The following HPSE2 variants were observed in gnomAD, a reference collection of about 807,000 sequenced individuals.
The protein encoded by HPSE2 is inactive heparanase-2.
In HPSE2, 38 loss-of-function variants were observed where a neutral mutation model predicts 60.5. The observed-to-expected ratio is 0.63, with a 90% CI of 0.48 to 0.82. HPSE2 has a LOEUF of 0.82. HPSE2 is among the 40% of genes least tolerant of loss of function. The probability of loss-of-function intolerance (pLI) is 0.00; values close to 1 mark genes in which losing one functional copy is unlikely to be tolerated. For missense variants in HPSE2, 713 were observed against 740.4 expected (o/e 0.96, Z 0.43); for synonymous variants, 295 against 293.2 (o/e 1.01, Z -0.06).
intron 3 of HPSE2, among the ~76,000 whole-genome samples, chr10:99,040,251 T>C (rs1176046276): frequency 1.3e-5 from 2 of 152,216 alleles, no homozygotes; most frequent in Non-Finnish European, 2.9e-5. Context: ...ATTGAATGGA[T>C]ATACCAAAAT....
At chr10:98,481,303 A>G (rs1283042354) in intron 11 of HPSE2, among the ~76,000 whole-genome samples, 2 of 152,122 alleles carry the variant, frequency 1.3e-5, no homozygotes, top group South Asian at 2.1e-4. Flanking sequence ...CACATGTACA[A>G]CAACCCTTGA....
At chr10:98,737,063 T>C (rs1044380105) in intron 4 of HPSE2, among the ~76,000 whole-genome samples, 3 of 152,150 alleles carry the variant, frequency 2.0e-5, no homozygotes, top group Non-Finnish European at 4.4e-5. Context: ...GTTTCTTGTT[T>C]TTTTCTTCCT....
chr10:98,678,162 T>C (rs1330471678), intron 6 of HPSE2, among the ~76,000 whole-genome samples: 1 of 152,170 alleles, frequency 6.6e-6, no homozygotes, highest in Non-Finnish European at 1.5e-5. Context: ...GAGAAAAATG[T>C]ATTGAAAATT....
Position 99,014,189 on chromosome 10 carries a change from TCTGCAACGA to T in HPSE2, c.610+130040_610+130048del, listed in dbSNP as rs1589518181. On this transcript the variant is annotated intron_variant, in intron 3 of 11. Transcript: ENST00000370552. ...GCTCGTGGACATTGCCACCAAGTTG[TCTGCAACGA>T]GCCTCGCAAGCCACCGTCCTCCCCA... Among the ~76,000 whole-genome samples the T allele has an allele frequency of 6.6e-5, 10 of 152,340 alleles. No homozygotes were observed. The East Asian group carries it at 1.9e-3, about 29-fold the overall frequency.
At chr10:99,087,184 C>T (rs1009361412) in intron 3 of HPSE2, among the ~76,000 whole-genome samples, 2 of 152,206 alleles carry the variant, frequency 1.3e-5, no homozygotes, top group Non-Finnish European at 2.9e-5. Flanking sequence ...CTTTCAAAAG[C>T]ATATTTGCAG....
chr10:98,677,440 T>C (rs1040609537), intron 6 of HPSE2, among the ~76,000 whole-genome samples: 3 of 152,116 alleles, frequency 2.0e-5, no homozygotes, highest in Non-Finnish European at 2.9e-5. Context: ...CTTTCATAAA[T>C]AGAGACAAAT....
In HPSE2 at chr10:99,069,472, A is replaced by G. The variant is rs78580674; in HGVS notation, c.610+74766T>C. On this transcript the variant is annotated intron_variant, in intron 3 of 11. Coordinates refer to ENST00000370552, the MANE Select transcript of HPSE2 (RefSeq NM_021828.5). ...TGCTTATTTGTTTAGGTCATATCTCATATTTCAGGTTATTACATCTATGGA... is the reference window on the plus strand; with the variant it reads ...TGCTTATTTGTTTAGGTCATATCTCGTATTTCAGGTTATTACATCTATGGA... Among the ~76,000 whole-genome samples, 468 of 152,092 alleles carry G rather than the reference A, an allele frequency of 3.1e-3. 3 individuals are homozygous for G. The highest frequency in any genetic ancestry group is 0.011 in the African/African-American group (446 of 41,490).
the HPSE2 span, among the ~76,000 whole-genome samples, chr10:99,309,874 T>TA: frequency 6.6e-6 from 1 of 152,230 alleles, no homozygotes; most frequent in Non-Finnish European, 1.5e-5. Context: ...ATTTTGTGTA[T>TA]TAGTTTCCTG....
At chr10:99,211,795 C>T (rs1383844981) in intron 2 of HPSE2, among the ~76,000 whole-genome samples, 1 of 151,934 alleles carries the variant, frequency 6.6e-6, no homozygotes, top group Non-Finnish European at 1.5e-5. Flanking sequence ...ATTACATTGG[C>T]CTGGGCAATA....
intron 3 of HPSE2, among the ~76,000 whole-genome samples, chr10:99,079,958 T>A (rs1843077592): frequency 6.6e-6 from 1 of 152,118 alleles, no homozygotes; most frequent in African/African-American, 2.4e-5. Context: ...AAGCTGAGAA[T>A]TAGGAGGTTT....
chr10:98,985,398 A>T (rs1352445055), intron 3 of HPSE2, among the ~76,000 whole-genome samples: 4 of 152,234 alleles, frequency 2.6e-5, no homozygotes, highest in African/African-American at 9.6e-5. Context: ...ACTAAGCTTC[A>T]TAAGTGAAGG....
At chr10:99,188,117 G>A (rs1848095181) in intron 2 of HPSE2, among the ~76,000 whole-genome samples, 1 of 152,064 alleles carries the variant, frequency 6.6e-6, no homozygotes, top group South Asian at 2.1e-4. Flanking sequence ...AATCCCCTAT[G>A]GATATTGAGG....
chr10:98,677,556 A>T (rs1173065145), intron 6 of HPSE2, among the ~76,000 whole-genome samples: 1 of 152,206 alleles, frequency 6.6e-6, no homozygotes, highest in African/African-American at 2.4e-5. Flanking sequence ...TTTAGTCTTC[A>T]TGATAGTTTT....
At chr10:99,163,225 T>A (rs950787202) in intron 2 of HPSE2, among the ~76,000 whole-genome samples, 1 of 145,422 alleles carries the variant, frequency 6.9e-6, no homozygotes, top group African/African-American at 2.5e-5. Flanking sequence ...AAAAAAAAAA[T>A]AGCCTTCATT....
At chr10:98,740,765 C>G (rs1472450896) in intron 4 of HPSE2, among the ~76,000 whole-genome samples, 1 of 152,098 alleles carries the variant, frequency 6.6e-6, no homozygotes, top group African/African-American at 2.4e-5. Flanking sequence ...GTTCTATTGT[C>G]CTTTCCTGAA....
the HPSE2 span, among the ~76,000 whole-genome samples, chr10:99,310,731 A>G: frequency 4.6e-5 from 7 of 152,034 alleles, no homozygotes; most frequent in African/African-American, 1.7e-4. Context: ...GGTTCAAGCA[A>G]TTCTCCCACC....
chr10:98,776,278 C>CAAAAA (rs35176062), intron 3 of HPSE2, among the ~76,000 whole-genome samples: 19 of 137,080 alleles, frequency 1.4e-4, no homozygotes, highest in East Asian at 8.6e-4. Context: ...ACTAAAAATA[C>CAAAAA]AAAAAAAAAA....
intron 2 of HPSE2, among the ~76,000 whole-genome samples, chr10:99,172,032 A>G (rs938776341): frequency 2.6e-5 from 4 of 152,190 alleles, no homozygotes; most frequent in African/African-American, 9.7e-5. Flanking sequence ...AACTTTTTAT[A>G]ATTTCAACTT....
At chr10:98,860,901 C>T (rs72836745) in intron 3 of HPSE2, among the ~76,000 whole-genome samples, 3,568 of 152,258 alleles carry the variant, frequency 0.023, 70 homozygotes, top group Non-Finnish European at 0.036. Flanking sequence ...ACATGTTGCA[C>T]TCCCAACCTT....
Sources: gnomAD v4.1 joint callset for allele counts (sites outside exome capture counted in the v4.1 genomes callset) on GRCh38, gnomAD v4.1.1 for gene constraint, MANE v1.5 for transcripts, NCBI Gene and HGNC (gene_info 2026-07-23, HGNC 2026-07-21) for gene names.